The following MKS1 variants were observed in gnomAD, a reference collection of about 807,000 sequenced individuals.
MKS1 encodes the protein tectonic-like complex member MKS1.
In MKS1, 70 loss-of-function variants were observed where a neutral mutation model predicts 83.7. That is an observed-to-expected ratio of 0.84 (90% CI 0.69 to 1.02). MKS1 has a LOEUF of 1.02. MKS1 is among the 50% of genes least tolerant of loss of function. The pLI is 0.00. For missense variants in MKS1, 681 were observed against 726.9 expected, an observed-to-expected ratio of 0.94 and a Z score of 0.73; for synonymous variants, 251 against 273.4, an observed-to-expected ratio of 0.92 and a Z score of 0.81.
rs561733390 is a variant in MKS1, at chr17:58,208,996, T to G, written c.1025-413A>C. Among the ~76,000 whole-genome samples the G allele has an allele frequency of 3.8e-4, 58 of 152,256 alleles. 1 individual carries two copies. Among genetic ancestry groups the G allele is most frequent in the African/African-American group, 1.3e-3 (55 of 41,544 alleles). ...CGGGGTTGGGGGTAAGGTTATAGAT[T>G]AACAGCATCCCAAGGCAGAAGAATT... On this transcript the variant is annotated intron_variant, in intron 11 of 17. Transcript: ENST00000393119.
chr17:58,212,483 C>G (rs1968933140), intron 8 of MKS1, 49 bp from the exon 9 acceptor site: 2 of 1,589,896 alleles, frequency 1.3e-6, no homozygotes, highest in Non-Finnish European at 1.7e-6. Flanking sequence ...CAAGCTAGAC[C>G]AAAGTTCAGT....
intron 1 of MKS1, 72 bp from the exon 2 acceptor site, chr17:58,218,801 G>C: frequency 1.5e-5 from 21 of 1,355,642 alleles, no homozygotes; most frequent in Non-Finnish European, 2.2e-5. Context: ...AAGGATGGGG[G>C]AAACAAAACA....
At chr17:58,213,171 C>T (rs1473119464) in intron 7 of MKS1, 81 bp from the exon 8 acceptor site, 9 of 1,315,632 alleles carry the variant, frequency 6.8e-6, no homozygotes, top group East Asian at 2.3e-5. Context: ...CAGGGATGAG[C>T]GATCAGGGGC....
At chr17:58,207,295 C>G (rs555342757) in intron 14 of MKS1, 77 bp from the exon 15 acceptor site, 51 of 1,593,734 alleles carry the variant, frequency 3.2e-5, no homozygotes, top group Non-Finnish European at 4.0e-5. Context: ...AGCAATGACA[C>G]AGGCCTAGAC....
At position 58,205,501 on chromosome 17, in the gene MKS1, T is replaced by A; in HGVS notation, c.*578A>T. ...AAAACAAACAAACAAAAAAACACAG[T>A]AAAAGATACCACCCAGCTAGCAGAA... On this transcript the variant is annotated 3_prime_UTR_variant, in exon 18 of 18. Transcript: ENST00000393119. 1.6e-6 allele frequency: 2 copies of A among 1,273,188 alleles called. No individual in the cohort carries two copies. The highest frequency in any genetic ancestry group is 1.3e-5 in the South Asian group (1 of 75,812). 78.9% of individuals were successfully genotyped at this position (1,273,188 alleles called of 1,614,324 possible).
chr17:58,206,914 T>C (rs1413257460), intron 15 of MKS1, 171 bp downstream of exon 15: 1 of 882,794 alleles, frequency 1.1e-6, no homozygotes, highest in Non-Finnish European at 1.8e-6. Context: ...GCAGTGTAGA[T>C]ATTGGAACCT....
rs578200260 is a variant in MKS1, at chr17:58,205,476, A to C, written c.*603T>G. On this transcript the variant is annotated 3_prime_UTR_variant, in exon 18 of 18. Transcript: ENST00000393119. ...AGGGGTTTATGTAACAAAAAACAAA[A>C]AAACAAACAAACAAAAAAACACAGT... is the stretch of plus-strand genomic sequence containing the variant. The C allele has an allele frequency of 1.3e-4, 169 of 1,253,028 alleles. No homozygotes were observed. Among genetic ancestry groups the C allele is most frequent in the Middle Eastern group, 1.1e-3 (5 of 4,412 alleles). 77.6% of individuals were successfully genotyped at this position (1,253,028 alleles called of 1,614,324 possible). A position where few individuals can be genotyped will look rare whatever the true frequency, so the allele number is the denominator to read the frequency against.
In MKS1 at chr17:58,214,405, A is replaced by C. The variant is rs1473559888; in HGVS notation, c.516-18T>G. 2.7e-5 allele frequency: 43 copies of C among 1,612,526 alleles called. No individual in the cohort carries two copies. The highest frequency in any genetic ancestry group is 3.6e-5 in the Non-Finnish European group (43 of 1,180,012). Reference sequence around the variant, plus strand: ...CGCCCTCCCTGGGAGACACCACAGAAAGGTCACTTCCCTGGCACACCCCAA... The same window carrying C: ...CGCCCTCCCTGGGAGACACCACAGACAGGTCACTTCCCTGGCACACCCCAA... On this transcript the variant is annotated intron_variant, in intron 5 of 17. Transcript: ENST00000393119.
Position 58,216,130 on chromosome 17 carries a change from G to T in MKS1, c.375C>A (p.Ile125=). 6 of 1,614,226 alleles carry T rather than the reference G, an allele frequency of 3.7e-6. No individual in the cohort carries two copies. The highest frequency in any genetic ancestry group is 5.1e-6 in the Non-Finnish European group (6 of 1,180,042). ...ATCTATCAGAGTCAGTGTAGGTAAAGATTCGTCGGTTTTTCTTGCCACCCG... is the reference window on the plus strand; with the variant it reads ...ATCTATCAGAGTCAGTGTAGGTAAATATTCGTCGGTTTTTCTTGCCACCCG... ...ENSGGKKNRR[I]FTYTDSDRYT... is the part of the protein sequence containing the mutation. The change falls in exon 4 of 18, where the codon ATC becomes ATA. Residue 125 remains isoleucine, a synonymous_variant. Coordinates refer to ENST00000393119, the MANE Select transcript of MKS1 (RefSeq NM_017777.4).
Position 58,206,464 on chromosome 17 carries a change from C to T in MKS1, c.1490+1G>A, listed in dbSNP as rs2143737350. On this transcript the variant is annotated splice_donor_variant, in intron 16 of 17. Coordinates refer to ENST00000393119, the MANE Select transcript of MKS1 (RefSeq NM_017777.4). LOFTEE classifies it high-confidence loss of function. ...CTGAGGCAGAGGGCCAAGTCACTCACCTGGACTGCTGCAGACAGTGCAAGC... is the reference window on the plus strand; with the variant it reads ...CTGAGGCAGAGGGCCAAGTCACTCATCTGGACTGCTGCAGACAGTGCAAGC... The T allele has an allele frequency of 6.2e-7, 1 of 1,614,198 alleles. No individual in the cohort carries two copies.
In MKS1 at chr17:58,208,585, T is replaced by C; in HGVS notation, c.1025-2A>G. The C allele has an allele frequency of 6.2e-7, 1 of 1,614,070 alleles. No homozygotes were observed. Among genetic ancestry groups the C allele is most frequent in the Non-Finnish European group, 8.5e-7 (1 of 1,179,964 alleles). On this transcript the variant is annotated splice_acceptor_variant, in intron 11 of 17. Transcript: ENST00000393119. LOFTEE classifies it high-confidence loss of function. ...GCTGGAATGCTGGGCTTGACCAGTC[T>C]GAAAGCCAAAGACCAAATATAGTAA...
rs541630246 is a variant in MKS1, at chr17:58,208,289, A to C, written c.1096-115T>G. On this transcript the variant is annotated intron_variant, in intron 12 of 17. Transcript: ENST00000393119. ...AAAGAAAAATTATCACCCAGGTGGG[A>C]AATAGGAGTCTGAGATGCAAAAGGA... is the stretch of plus-strand genomic sequence containing the variant. 17 of 1,061,678 alleles carry C rather than the reference A, an allele frequency of 1.6e-5. No homozygotes were observed. In the Admixed American group the frequency reaches 2.5e-4, roughly 16 times the overall value. 65.8% of individuals were successfully genotyped at this position (1,061,678 alleles called of 1,614,324 possible).
Position 58,216,695 on chromosome 17 carries a change from TCA to T in MKS1, c.230_231del (p.Val77AspfsTer9), listed in dbSNP as rs1969240435. ...CTAAAGAGCTTCTCCTGCCACCCAA[TCA>T]CAATCTCCTCCTCTTCGTCTTCCTC... ...RPEEDEEEEI[V>X]IGWQEKLFSQ... On this transcript the variant is annotated frameshift_variant, in exon 3 of 18. Coordinates refer to ENST00000393119, the MANE Select transcript of MKS1 (RefSeq NM_017777.4). LOFTEE classifies it high-confidence loss of function. 1 of 1,614,054 alleles carries T rather than the reference TCA, an allele frequency of 6.2e-7. No individual in the cohort carries two copies. Among genetic ancestry groups the T allele is most frequent in the African/African-American group, 1.3e-5 (1 of 74,924 alleles).
intron 14 of MKS1, 59 bp downstream of exon 14, chr17:58,207,835 A>T (rs755974896): frequency 1.4e-6 from 2 of 1,427,832 alleles, no homozygotes. Flanking sequence ...TTCGAGTGTT[A>T]GTCTTGTTCT....
chr17:58,207,793 T>A (rs1968609893), intron 14 of MKS1, 101 bp downstream of exon 14: 1 of 1,141,328 alleles, frequency 8.8e-7, no homozygotes. Context: ...ACATTTCCAA[T>A]TCCCAATTAT....
Position 58,208,162 on chromosome 17 carries a change from G to C in MKS1, c.1108C>G (p.His370Asp). ...TCAAACGTGAATGGGTAGGAGAAGT[G>C]AGCCACCTTGTCCTATAAAAAGGAG... ...TKSLAMDKVA[H>D]FSYPFTFEAF... is the part of the protein sequence containing the mutation. The change falls in exon 13 of 18, where the codon CAC becomes GAC. Residue 370 changes from histidine to aspartate, a missense_variant. Around this residue, in one of 3 missense-constraint regions of MKS1, gnomAD observed 310 missense variants for 321.7 expected, o/e 0.96. Coordinates refer to ENST00000393119, the MANE Select transcript of MKS1 (RefSeq NM_017777.4). 6.2e-7 allele frequency: 1 copy of C among 1,612,828 alleles called. No individual in the cohort carries two copies. The highest frequency in any genetic ancestry group is 8.5e-7 in the Non-Finnish European group (1 of 1,178,800).
rs762103206 is a variant in MKS1, at chr17:58,219,200, C to G, written c.31G>C (p.Gly11Arg). 2.6e-6 allele frequency: 4 copies of G among 1,551,146 alleles called. No homozygotes were observed. Among genetic ancestry groups the G allele is most frequent in the Admixed American group, 3.9e-5 (2 of 51,010 alleles). Residue 11 changes from glycine to arginine, a missense_variant, in exon 1 of 18, where the codon GGG (glycine) becomes CGG (arginine). Gly to Arg is a moderately radical substitution (Grantham distance 125). Coordinates refer to ENST00000393119, the MANE Select transcript of MKS1 (RefSeq NM_017777.4). ...TCCCGGGAGCGATACACTGCCTCCC[C>G]GGTGTCAGTGCTCCAGACGGTCTCC... MAETVWSTDT[G>R]EAVYRSRDPV...
intron 9 of MKS1, 44 bp downstream of exon 9, chr17:58,212,334 G>A (rs769599971): frequency 7.3e-5 from 117 of 1,609,956 alleles, no homozygotes; most frequent in Admixed American, 1.2e-4. Context: ...AGAATGCTCC[G>A]GCTAAACACA....
intron 1 of MKS1, 107 bp downstream of exon 1, chr17:58,219,044 G>A: frequency 4.1e-6 from 6 of 1,449,770 alleles, no homozygotes; most frequent in Non-Finnish European, 4.7e-6. Context: ...CCGGAGAAGT[G>A]GTCGGGATTG....
Sources: allele counts gnomAD v4.1 joint callset (sites outside exome capture counted in the v4.1 genomes callset), GRCh38; gene constraint gnomAD v4.1.1; regional missense constraint gnomAD v4.1.1; transcripts MANE v1.5; gene names NCBI Gene and HGNC (gene_info 2026-07-23, HGNC 2026-07-21).